The following CCDC171 variants were observed in gnomAD, a reference collection of about 807,000 sequenced individuals.
The protein encoded by CCDC171 is coiled-coil domain-containing protein 171.
Under a neutral mutation model 168.2 loss-of-function variants are expected in CCDC171, and 177 were observed. The ratio of observed to expected loss-of-function variants is 1.05; its 90% confidence interval spans 0.93 to 1.19. CCDC171 has a LOEUF of 1.19. Ranked by LOEUF, CCDC171 falls within the 50% of genes most tolerant of loss-of-function variation. CCDC171 has a pLI of 0.00. For synonymous variants in CCDC171, 687 were observed against 540.8 expected (o/e 1.27, Z -3.75); for missense variants, 1,991 against 1,539.0 (o/e 1.29, Z -4.91).
chr9:16,003,338 G>A (rs185640049), intron 3 of CCDC171, among the ~76,000 whole-genome samples: 108 of 152,298 alleles, frequency 7.1e-4, no homozygotes, highest in African/African-American at 2.4e-3. Flanking sequence ...TAAGATCAGA[G>A]TTCCTGTTTC....
At chr9:16,031,131 G>C (rs1833358860) in intron 6 of CCDC171, among the ~76,000 whole-genome samples, 1 of 152,202 alleles carries the variant, frequency 6.6e-6, no homozygotes, top group African/African-American at 2.4e-5. Flanking sequence ...TGCTGGTTGG[G>C]GGCTTAGGTT....
intron 24 of CCDC171, chr9:15,883,191 G>C: frequency 5.0e-6 from 1 of 199,894 alleles, no homozygotes; most frequent in Non-Finnish European, 1.0e-5. Flanking sequence ...ACCATACCCA[G>C]GTAATATTTT....
intron 7 of CCDC171, among the ~76,000 whole-genome samples, chr9:15,626,471 G>T (rs199682036): frequency 6.6e-6 from 1 of 151,962 alleles, no homozygotes. Context: ...AGCTCTTATT[G>T]TTTTGATATA....
chr9:16,043,694 G>A (rs1168423517), intron 1 of CCDC171, among the ~76,000 whole-genome samples: 1 of 152,204 alleles, frequency 6.6e-6, no homozygotes, highest in Admixed American at 6.5e-5. Flanking sequence ...ATCAGATGTG[G>A]CTTTGTTCCT....
At chr9:15,576,130 C>T (rs1376014536) in intron 3 of CCDC171, among the ~76,000 whole-genome samples, 3 of 116,544 alleles carry the variant, frequency 2.6e-5, no homozygotes, top group African/African-American at 1.0e-4. Context: ...TATCATATTT[C>T]AGTTGTGTGT....
At chr9:16,006,652 A>G (rs533134006) in intron 3 of CCDC171, among the ~76,000 whole-genome samples, 4 of 149,746 alleles carry the variant, frequency 2.7e-5, no homozygotes, top group African/African-American at 7.4e-5. Context: ...TCATTGTTCA[A>G]TTCCTACCTA....
intron 3 of CCDC171, 24 bp from the exon 4 acceptor site, chr9:15,578,825 T>C (rs756540891): frequency 6.3e-7 from 1 of 1,597,286 alleles, no homozygotes; most frequent in South Asian, 1.1e-5. Context: ...TGGACACATG[T>C]TGATATCAGG....
intron 6 of CCDC171, among the ~76,000 whole-genome samples, chr9:15,616,411 A>T (rs1279771631): frequency 6.6e-6 from 1 of 152,090 alleles, no homozygotes; most frequent in African/African-American, 2.4e-5. Flanking sequence ...AATAAATCTC[A>T]TGAGACTTCC....
chr9:16,024,021 T>A (rs113798409), intron 6 of CCDC171, among the ~76,000 whole-genome samples: 2,370 of 151,966 alleles, frequency 0.016, 63 homozygotes, highest in African/African-American at 0.053. Context: ...AGAGAAAAAG[T>A]TGTGATGAGG....
At chr9:15,861,567 A>G (rs2061561010) in intron 23 of CCDC171, among the ~76,000 whole-genome samples, 1 of 151,946 alleles carries the variant, frequency 6.6e-6, no homozygotes, top group Middle Eastern at 3.4e-3. Context: ...GGGCTTATAT[A>G]AAATACGGTT....
At position 15,983,815 on chromosome 9, in the gene CCDC171, AGAGT is replaced by A. The variant is rs1394592596; in HGVS notation, n.369-36772_369-36769del. On this transcript the variant is annotated intron_variant and non_coding_transcript_variant, in intron 3 of 9. Transcript: ENST00000486641. Reference sequence around the variant, plus strand: ...GTAGGGAGGCAAGAGCTAAATAAAGAGAGTGTGTGTGTGTGTGTGTGTGTGTGTG... The same window carrying A: ...GTAGGGAGGCAAGAGCTAAATAAAGAGTGTGTGTGTGTGTGTGTGTGTGTG... Among the ~76,000 whole-genome samples, 391 of 124,572 alleles carry A rather than the reference AGAGT, an allele frequency of 3.1e-3. 4 individuals are homozygous for A. Among genetic ancestry groups the A allele is most frequent in the African/African-American group, 0.01 (351 of 34,574 alleles). 81.7% of individuals were successfully genotyped at this position (124,572 alleles called of 152,430 possible). A position where few individuals can be genotyped will look rare whatever the true frequency, so the allele number is the denominator to read the frequency against.
chr9:15,941,239 C>T (rs540545891), intron 25 of CCDC171, among the ~76,000 whole-genome samples: 7 of 151,820 alleles, frequency 4.6e-5, no homozygotes, highest in Non-Finnish European at 1.0e-4. Flanking sequence ...AGTTTTTCAC[C>T]TTTGAAATTG....
intron 3 of CCDC171, among the ~76,000 whole-genome samples, chr9:16,010,941 T>A (rs1025715435): frequency 3.9e-5 from 6 of 152,126 alleles, no homozygotes; most frequent in Non-Finnish European, 8.8e-5. Context: ...AGAGCCTGAT[T>A]CGCTCCTGAG....
At chr9:15,847,045 G>A (rs2060928724) in intron 22 of CCDC171, among the ~76,000 whole-genome samples, 198 bp downstream of exon 22, 1 of 152,024 alleles carries the variant, frequency 6.6e-6, no homozygotes, top group Non-Finnish European at 1.5e-5. Context: ...AGAAACCTCA[G>A]AAAAGTATAA....
At chr9:15,982,438 C>T (rs927785530) in intron 3 of CCDC171, among the ~76,000 whole-genome samples, 2 of 152,112 alleles carry the variant, frequency 1.3e-5, no homozygotes, top group African/African-American at 4.8e-5. Context: ...ATTTAGCACA[C>T]AGCCAAATGG....
intron 3 of CCDC171, among the ~76,000 whole-genome samples, chr9:15,990,606 C>T (rs1184784054): frequency 6.6e-6 from 1 of 152,114 alleles, no homozygotes; most frequent in Non-Finnish European, 1.5e-5. Context: ...GGGCTAAATG[C>T]TCCAATTAAA....
At chr9:15,786,819 A>G (rs10962157) in intron 21 of CCDC171, among the ~76,000 whole-genome samples, 2 of 151,832 alleles carry the variant, frequency 1.3e-5, no homozygotes, top group African/African-American at 4.8e-5. Flanking sequence ...CTCCAGGACA[A>G]TGGGTCTCAT....
At chr9:15,995,478 G>T (rs1832342534) in intron 3 of CCDC171, among the ~76,000 whole-genome samples, 1 of 152,204 alleles carries the variant, frequency 6.6e-6, no homozygotes, top group Non-Finnish European at 1.5e-5. Flanking sequence ...ATCACAGCAA[G>T]TTTACACTTA....
chr9:16,084,669 G>T, the CCDC171 span, among the ~76,000 whole-genome samples: 1 of 151,908 alleles, frequency 6.6e-6, no homozygotes, highest in African/African-American at 2.4e-5. Context: ...GAATACCTCC[G>T]GGCTGCCATG....
Sources: allele counts gnomAD v4.1 joint callset (sites outside exome capture counted in the v4.1 genomes callset), GRCh38; gene constraint gnomAD v4.1.1; transcripts MANE v1.5; gene names NCBI Gene and HGNC (gene_info 2026-07-23, HGNC 2026-07-21).